The following MTDH variants were observed in gnomAD, a reference collection of about 807,000 sequenced individuals.
MTDH encodes the protein protein LYRIC.
A neutral mutation model predicts 72.7 loss-of-function variants in MTDH; 34 were observed. The observed-to-expected ratio is 0.47, with a 90% CI of 0.36 to 0.62. The LOEUF (loss-of-function observed/expected upper bound fraction) is 0.62. Among genes scored for constraint, MTDH ranks in the 20% least tolerant of loss-of-function variants. MTDH has a pLI of 0.00. For synonymous variants in MTDH, 266 were observed against 268.9 expected (o/e 0.99, Z 0.10); for missense variants, 677 against 699.4 (o/e 0.97, Z 0.36).
At chr8:97,670,604 CAG>C (rs1478727441) in intron 2 of MTDH, among the ~76,000 whole-genome samples, 1 of 152,150 alleles carries the variant, frequency 6.6e-6, no homozygotes, top group Non-Finnish European at 1.5e-5. Flanking sequence ...AGCCTGGTGA[CAG>C]AGCGAGACTC....
chr8:97,682,687 T>C (rs1203781081), intron 2 of MTDH, among the ~76,000 whole-genome samples: 2 of 152,118 alleles, frequency 1.3e-5, no homozygotes, highest in African/African-American at 2.4e-5. Flanking sequence ...GATTTTTAGT[T>C]ACAAATCCCC....
In MTDH at chr8:97,644,792, C is replaced by G. The variant is rs113646142; in HGVS notation, c.286C>G (p.Pro96Ala). The G allele has an allele frequency of 4.9e-4, 761 of 1,548,358 alleles. 2 individuals are homozygous for G. The African/African-American group carries it at 9.2e-3, about 19-fold the overall frequency. The change falls in exon 1 of 12, where the codon CCG (proline) becomes GCG (alanine). Residue 96 changes from proline (P) to alanine (A), a missense_variant. By Grantham distance (27) the Pro-to-Ala change is conservative (BLOSUM62 -1). Coordinates refer to ENST00000336273, the MANE Select transcript of MTDH (RefSeq NM_178812.4). ...PRKREEAAAV[P>A]AAAPDDLALL... is the part of the protein sequence containing the mutation. ...CAAGCGGGAGGAGGCGGCGGCCGTG[C>G]CGGCCGCGGCCCCCGACGACCTGGC...
chr8:97,663,983 ACT>A (rs1812276615), intron 2 of MTDH, among the ~76,000 whole-genome samples: 1 of 151,944 alleles, frequency 6.6e-6, no homozygotes, highest in Admixed American at 6.6e-5. Context: ...CCTCTCAGAA[ACT>A]CTGCCAGGCA....
intron 2 of MTDH, among the ~76,000 whole-genome samples, chr8:97,664,355 CA>C (rs561426320): frequency 0.039 from 5,347 of 136,836 alleles, 278 homozygotes; most frequent in African/African-American, 0.13. Context: ...GATTCCATCT[CA>C]AAAAAAAAAA....
At chr8:97,688,364 C>G (rs1182012621) in intron 4 of MTDH, among the ~76,000 whole-genome samples, 1 of 152,136 alleles carries the variant, frequency 6.6e-6, no homozygotes, top group Non-Finnish European at 1.5e-5. Flanking sequence ...TGCTTGATAA[C>G]TTGGTGGAAT....
chr8:97,664,225 G>A (rs910022959), intron 2 of MTDH, among the ~76,000 whole-genome samples: 3 of 146,164 alleles, frequency 2.1e-5, no homozygotes, highest in Non-Finnish European at 3.1e-5. Context: ...GCATGGTGGC[G>A]TGTGCCTGTA....
chr8:97,705,049 A>C (rs1266457192), intron 7 of MTDH, among the ~76,000 whole-genome samples: 1 of 152,244 alleles, frequency 6.6e-6, no homozygotes, highest in African/African-American at 2.4e-5. Flanking sequence ...CTGTAATCCC[A>C]ACACTTTGGG....
intron 1 of MTDH, among the ~76,000 whole-genome samples, chr8:97,657,873 T>C (rs1812039447): frequency 6.6e-6 from 1 of 152,130 alleles, no homozygotes; most frequent in African/African-American, 2.4e-5. Flanking sequence ...ATTTGAAGTT[T>C]TGGTTTGTAA....
intron 1 of MTDH, among the ~76,000 whole-genome samples, chr8:97,657,274 C>G (rs187170938): frequency 8.1e-4 from 124 of 152,256 alleles, no homozygotes; most frequent in Middle Eastern, 6.8e-3. Context: ...TTTTCTGTTA[C>G]TGGTTGATTT....
chr8:97,655,213 G>A (rs1404693512), intron 1 of MTDH, among the ~76,000 whole-genome samples: 1 of 152,218 alleles, frequency 6.6e-6, no homozygotes, highest in Non-Finnish European at 1.5e-5. Flanking sequence ...GAGTGTGAGG[G>A]AGAGTATACC....
intron 2 of MTDH, among the ~76,000 whole-genome samples, chr8:97,681,338 A>G (rs4048777): frequency 0.06 from 9,112 of 152,094 alleles, 900 homozygotes; most frequent in African/African-American, 0.21. Flanking sequence ...GTTGAGATCA[A>G]TTTGTGGAAG....
At position 97,660,704 on chromosome 8, in the gene MTDH, A is replaced by G. The variant is rs536038413; in HGVS notation, c.382-368A>G. 5.9e-5 allele frequency among the ~76,000 whole-genome samples: 9 copies of G among 152,296 alleles called. No homozygotes were observed. The South Asian group carries it at 1.9e-3, about 32-fold the overall frequency. ...ATCATACCTGTCACTTTATAGATGT[A>G]GAAATAAGGCTCGGAGACAATGAGT... On this transcript the variant is annotated intron_variant, in intron 1 of 11. Coordinates refer to ENST00000336273, the MANE Select transcript of MTDH (RefSeq NM_178812.4).
intron 1 of MTDH, among the ~76,000 whole-genome samples, chr8:97,657,467 T>A (rs1056283535): frequency 6.6e-6 from 1 of 152,110 alleles, no homozygotes; most frequent in East Asian, 1.9e-4. Flanking sequence ...AGATTAAAGT[T>A]CCATGATCAG....
intron 1 of MTDH, among the ~76,000 whole-genome samples, chr8:97,645,317 T>C (rs886357816): frequency 2.0e-5 from 3 of 152,178 alleles, no homozygotes; most frequent in East Asian, 1.9e-4. Flanking sequence ...TCAAGTCACA[T>C]TGAGACAGTA....
At chr8:97,689,765 T>C (rs1386028226) in intron 5 of MTDH, among the ~76,000 whole-genome samples, 2 of 150,430 alleles carry the variant, frequency 1.3e-5, no homozygotes, top group South Asian at 2.1e-4. Context: ...TGGAGTGTAA[T>C]GGCATGGTTT....
At position 97,644,717 on chromosome 8, in the gene MTDH, T is replaced by C. The variant is rs1269909953; in HGVS notation, c.211T>C (p.Trp71Arg). The C allele has an allele frequency of 3.1e-6, 5 of 1,589,292 alleles. No individual in the cohort carries two copies. The highest frequency in any genetic ancestry group is 4.3e-6 in the Non-Finnish European group (5 of 1,172,222). The change falls in exon 1 of 12, where the codon TGG becomes CGG. Residue 71 changes from tryptophan to arginine, a missense_variant. Around this residue, in one of 3 missense-constraint regions of MTDH, gnomAD observed 467 missense variants for 469.1 expected, o/e 1.00. Coordinates refer to ENST00000336273, the MANE Select transcript of MTDH (RefSeq NM_178812.4). The stretch of plus-strand genomic sequence containing the variant: ...GCTGCTGTTTCTGCTGGGCTACGGC[T>C]GGGCCGCGGCTTGCGCCGGCGCCCG... ...LLLLFLLGYG[W>R]AAACAGARKK...
At chr8:97,677,959 A>G (rs1158317358) in intron 2 of MTDH, among the ~76,000 whole-genome samples, 6 of 152,330 alleles carry the variant, frequency 3.9e-5, no homozygotes, top group East Asian at 3.9e-4. Flanking sequence ...TTAGCAAAAA[A>G]CAATATTACA....
At chr8:97,648,620 A>C (rs1023993454) in intron 1 of MTDH, among the ~76,000 whole-genome samples, 1 of 152,122 alleles carries the variant, frequency 6.6e-6, no homozygotes, top group African/African-American at 2.4e-5. Flanking sequence ...TGGCCTCCCA[A>C]AATGTTGGGA....
chr8:97,644,801 GC>G lies in MTDH; in HGVS notation c.300del (p.Asp101ThrfsTer6). The G allele has an allele frequency of 1.3e-6, 2 of 1,558,286 alleles. No individual in the cohort carries two copies. The highest frequency in any genetic ancestry group is 2.1e-5 in the Admixed American group (1 of 47,054). On this transcript the variant is annotated frameshift_variant, in exon 1 of 12. Transcript: ENST00000336273. LOFTEE classifies it high-confidence loss of function. ...GGAGGCGGCGGCCGTGCCGGCCGCG[GC>G]CCCCGACGACCTGGCCTTGCTGAAG... The part of the protein sequence containing the change: ...REEAAAVPAA[A>X]PDDLALLKNL...
Sources: allele counts gnomAD v4.1 joint callset (sites outside exome capture counted in the v4.1 genomes callset), GRCh38; gene constraint gnomAD v4.1.1; regional missense constraint gnomAD v4.1.1; transcripts MANE v1.5; gene names NCBI Gene and HGNC (gene_info 2026-07-23, HGNC 2026-07-21).